TNKS: variants seen among roughly 807,000 people sequenced by gnomAD.
TNKS encodes the protein poly [ADP-ribose] polymerase tankyrase-1.
In TNKS, 72 loss-of-function variants were observed where a neutral mutation model predicts 135.8. That is an observed-to-expected ratio of 0.53 (90% CI 0.44 to 0.64). The LOEUF is 0.64. Ranked by LOEUF, TNKS falls within the 30% of genes least tolerant of loss-of-function variation. The probability of loss-of-function intolerance (pLI) is 0.00; values close to 1 mark genes in which losing one functional copy is unlikely to be tolerated. For missense variants in TNKS, 1,769 were observed against 1,674.0 expected (o/e 1.06, Z -0.99); for synonymous variants, 849 against 649.3 (o/e 1.31, Z -4.68).
chr8:9,751,768 C>A lies in TNKS; in HGVS notation c.2992C>A (p.Pro998Thr). The change falls in exon 19 of 27, where the codon CCT becomes ACT. Residue 998 changes from proline to threonine, a missense_variant. Transcript: ENST00000310430. ...AASSIDNLTG[P>T]LAELAVGGAS... ...CAGCAGCATAGACAACCTCACTGGC[C>A]CTTTAGCAGAGTTGGCCGTAGGAGG... 1 of 1,614,128 alleles carries A rather than the reference C, an allele frequency of 6.2e-7. No homozygotes were observed. Among genetic ancestry groups the A allele is most frequent in the Non-Finnish European group, 8.5e-7 (1 of 1,180,028 alleles).
At chr8:9,742,693 A>G (rs932330686) in intron 17 of TNKS, among the ~76,000 whole-genome samples, 7 of 149,744 alleles carry the variant, frequency 4.7e-5, no homozygotes, top group South Asian at 2.1e-4. Flanking sequence ...CCCTATCTCT[A>G]TATAATTATT....
Position 9,763,160 on chromosome 8 carries a change from T to G in TNKS, c.3288T>G (p.Tyr1096Ter), listed in dbSNP as rs148202494. 6.3e-7 allele frequency: 1 copy of G among 1,596,434 alleles called. No individual in the cohort carries two copies. Among genetic ancestry groups the G allele is most frequent in the Non-Finnish European group, 8.6e-7 (1 of 1,169,502 alleles). The change falls in exon 22 of 27, where the codon TAT becomes TAG. Residue 1096 changes from tyrosine (Y) to a stop codon, truncating the protein, a stop_gained. Coordinates refer to ENST00000310430, the MANE Select transcript of TNKS (RefSeq NM_003747.3). LOFTEE classifies it high-confidence loss of function. Reference protein sequence around the residue: ...LLGGQQGTNPYLTFHCVNQGT... With the variant: ...LLGGQQGTNP ...TCTCTCCGACAGGCACCAATCCTTA[T>G]TTGACTTTTCACTGTGTTAATCAGG...
intron 20 of TNKS, among the ~76,000 whole-genome samples, chr8:9,759,000 T>C (rs1806999094): frequency 1.3e-5 from 2 of 152,328 alleles, no homozygotes; most frequent in East Asian, 3.9e-4. Context: ...TTCAGTCCCT[T>C]GCAGTCTGTT....
chr8:9,567,932 C>T (rs1034830616), intron 1 of TNKS, among the ~76,000 whole-genome samples: 13 of 151,778 alleles, frequency 8.6e-5, no homozygotes, highest in African/African-American at 3.1e-4. Context: ...TGTATTTTAC[C>T]ACATTTAAGT....
Position 9,777,180 on chromosome 8 carries a change from T to A in TNKS, c.*444T>A, listed in dbSNP as rs769418042. 9 of 157,350 alleles carry A rather than the reference T, an allele frequency of 5.7e-5. No individual in the cohort carries two copies. The highest frequency in any genetic ancestry group is 2.2e-4 in the African/African-American group (9 of 41,434). The allele number at this position is 157,350 out of a possible 1,614,324, so 9.7% of individuals were successfully genotyped here. A position where few individuals can be genotyped will look rare whatever the true frequency, so the allele number is the denominator to read the frequency against. On this transcript the variant is annotated 3_prime_UTR_variant, in exon 27 of 27. Transcript: ENST00000310430. ...TTGCCAGACATGCATCATTGGCTAT[T>A]GTTTGTTTGTTTTTTGTTTTTTTGT...
intron 5 of TNKS, among the ~76,000 whole-genome samples, chr8:9,688,837 C>T (rs766059920): frequency 6.6e-6 from 1 of 152,120 alleles, no homozygotes; most frequent in Non-Finnish European, 1.5e-5. Flanking sequence ...GATGGCGTTT[C>T]ACTATGTTGG....
chr8:9,588,346 C>T (rs940257325), intron 2 of TNKS, among the ~76,000 whole-genome samples: 5 of 151,916 alleles, frequency 3.3e-5, no homozygotes, highest in African/African-American at 1.2e-4. Flanking sequence ...GGGATCTAGG[C>T]TCACTGCAAG....
At position 9,704,605 on chromosome 8, in the gene TNKS, C is replaced by G. The variant is rs555014503; in HGVS notation, c.1108-58C>G. 6 of 1,404,358 alleles carry G rather than the reference C, an allele frequency of 4.3e-6. No homozygotes were observed. The East Asian group carries it at 1.2e-4, about 27-fold the overall frequency. The allele number at this position is 1,404,358 out of a possible 1,614,324, so 87.0% of individuals were successfully genotyped here. A position where few individuals can be genotyped will look rare whatever the true frequency, so the allele number is the denominator to read the frequency against. ...TGTGTTTAAATCTGAAATGGCAAAG[C>G]AAGGATTTTCTTTGTTTGTTTGTTT... On this transcript the variant is annotated intron_variant, in intron 5 of 26. Coordinates refer to ENST00000310430, the MANE Select transcript of TNKS (RefSeq NM_003747.3).
chr8:9,685,946 C>T (rs1255759945), intron 5 of TNKS, among the ~76,000 whole-genome samples: 2 of 152,162 alleles, frequency 1.3e-5, no homozygotes, highest in Non-Finnish European at 1.5e-5. Flanking sequence ...CCCCGTCTCT[C>T]AGTATAACTT....
At chr8:9,708,953 G>C (rs1371203663) in intron 9 of TNKS, among the ~76,000 whole-genome samples, 2 of 151,758 alleles carry the variant, frequency 1.3e-5, no homozygotes, top group Non-Finnish European at 2.9e-5. Context: ...TGAATTTTTT[G>C]TTTGATACTA....
chr8:9,693,135 A>G (rs181157197), intron 5 of TNKS, among the ~76,000 whole-genome samples: 4 of 152,228 alleles, frequency 2.6e-5, no homozygotes, highest in Non-Finnish European at 4.4e-5. Context: ...ATTGATCTTA[A>G]CCAAATGATA....
chr8:9,681,606 A>G (rs1802785815), intron 5 of TNKS, among the ~76,000 whole-genome samples: 1 of 152,160 alleles, frequency 6.6e-6, no homozygotes, highest in Non-Finnish European at 1.5e-5. Flanking sequence ...TTTTAAAGAC[A>G]CATTACAAAA....
At chr8:9,732,879 C>G (rs1270515526) in intron 14 of TNKS, among the ~76,000 whole-genome samples, 1 of 152,116 alleles carries the variant, frequency 6.6e-6, no homozygotes, top group African/African-American at 2.4e-5. Flanking sequence ...ACCACTGAAT[C>G]ACCACTATGA....
intron 11 of TNKS, among the ~76,000 whole-genome samples, chr8:9,712,363 C>A (rs1475310423): frequency 6.6e-6 from 1 of 151,972 alleles, no homozygotes; most frequent in African/African-American, 2.4e-5. Flanking sequence ...ACCTATAGTC[C>A]TAGCGACTCG....
chr8:9,769,578 T>G (rs1349990090), intron 25 of TNKS, among the ~76,000 whole-genome samples: 5 of 151,930 alleles, frequency 3.3e-5, no homozygotes, highest in African/African-American at 1.2e-4. Context: ...TTTTTCCCTT[T>G]TTCCACCAGG....
intron 1 of TNKS, among the ~76,000 whole-genome samples, chr8:9,565,614 A>G (rs917558312): frequency 4.6e-5 from 7 of 151,966 alleles, no homozygotes; most frequent in Non-Finnish European, 1.0e-4. Flanking sequence ...TAATCCCAGC[A>G]CTTTGGGAGG....
rs149063997 is a variant in TNKS at position 9,697,982 on chromosome 8, G to A, written c.1108-6681G>A. On this transcript the variant is annotated intron_variant, in intron 5 of 26. Coordinates refer to ENST00000310430, the MANE Select transcript of TNKS (RefSeq NM_003747.3). ...TCATTGCCATGCCATTCACAATAGC[G>A]AAGACATGGAATCAACCTAGGTGCC... Among the ~76,000 whole-genome samples, 226 of 152,138 alleles carry A rather than the reference G, an allele frequency of 1.5e-3. 1 individual carries two copies. Among genetic ancestry groups the A allele is most frequent in the African/African-American group, 5.3e-3 (219 of 41,492 alleles).
chr8:9,728,750 C>A (rs187832204), intron 13 of TNKS, among the ~76,000 whole-genome samples: 126 of 152,110 alleles, frequency 8.3e-4, no homozygotes, highest in African/African-American at 2.9e-3. Flanking sequence ...AGATATTTGA[C>A]CTGGTCACAT....
chr8:9,611,383 T>C (rs1286625990), intron 2 of TNKS, among the ~76,000 whole-genome samples: 1 of 152,230 alleles, frequency 6.6e-6, no homozygotes, highest in East Asian at 1.9e-4. Context: ...TTGGTGTATT[T>C]TGGGAACTTT....
Sources: gnomAD v4.1 joint callset for allele counts (sites outside exome capture counted in the v4.1 genomes callset) on GRCh38, gnomAD v4.1.1 for gene constraint, MANE v1.5 for transcripts, NCBI Gene and HGNC (gene_info 2026-07-23, HGNC 2026-07-21) for gene names.